Variants in TRIM34 observed in about 807,000 individuals in gnomAD.
TRIM34 encodes the protein tripartite motif containing 34.
TRIM34 carries 41 observed loss-of-function variants against 38.1 expected under a neutral mutation model. That is an observed-to-expected ratio of 1.08 (90% confidence interval 0.84 to 1.40). TRIM34 has a LOEUF of 1.40. TRIM34 is among the 40% of genes most tolerant of loss of function. The probability of loss-of-function intolerance (pLI) is 0.00; values close to 1 mark genes in which losing one functional copy is unlikely to be tolerated. For missense variants in TRIM34, 556 were observed against 571.4 expected (o/e 0.97, Z 0.27); for synonymous variants, 200 against 202.5 (o/e 0.99, Z 0.10).
chr11:5,642,958 T>A, intron 7 of TRIM34, 115 bp downstream of exon 7: 1 of 1,465,232 alleles, frequency 6.8e-7, no homozygotes, highest in Non-Finnish European at 9.2e-7. Context: ...CCCAAAACAT[T>A]TGCTAAATAC....
At chr11:5,637,581 A>T (rs781253861) in intron 4 of TRIM34, among the ~76,000 whole-genome samples, 9 of 152,018 alleles carry the variant, frequency 5.9e-5, no homozygotes, top group Admixed American at 2.6e-4. Context: ...ATTATTTAAA[A>T]TTTTTTTTCC....
chr11:5,620,686 C>A (rs1198576167), upstream of TRIM34, among the ~76,000 whole-genome samples: 1 of 152,114 alleles, frequency 6.6e-6, no homozygotes, highest in African/African-American at 2.4e-5. Context: ...TTATGCCTTA[C>A]GGTGGGAGGG....
At chr11:5,636,359 T>C (rs539145068) in intron 4 of TRIM34, among the ~76,000 whole-genome samples, 15 of 152,190 alleles carry the variant, frequency 9.9e-5, no homozygotes, top group Non-Finnish European at 1.9e-4. Flanking sequence ...TTGCCAGAGC[T>C]CTGGGGAAGA....
intron 1 of TRIM34, chr11:5,626,768 G>C (rs1334475046): frequency 2.0e-5 from 3 of 152,156 alleles, no homozygotes; most frequent in Non-Finnish European, 4.4e-5. Context: ...TGTAGTCCCA[G>C]CTACTCGGGA....
chr11:5,622,459 G>GA (rs1849025580), upstream of TRIM34, among the ~76,000 whole-genome samples: 1 of 133,826 alleles, frequency 7.5e-6, no homozygotes, highest in African/African-American at 2.8e-5. Flanking sequence ...AAAAAAAAAA[G>GA]AAAAAAAGAA....
chr11:5,639,810 C>T (rs1462702004), intron 4 of TRIM34, among the ~76,000 whole-genome samples: 1 of 149,500 alleles, frequency 6.7e-6, no homozygotes, highest in African/African-American at 2.5e-5. Flanking sequence ...TATTTTCTTT[C>T]CAATATAGAA....
chr11:5,621,784 C>T (rs1590143916), upstream of TRIM34, among the ~76,000 whole-genome samples: 1 of 152,228 alleles, frequency 6.6e-6, no homozygotes, highest in Middle Eastern at 3.4e-3. Flanking sequence ...ATCAGAAACT[C>T]AAAAGAATGC....
At chr11:5,622,702 C>T (rs1564879431), upstream of TRIM34, among the ~76,000 whole-genome samples, 1 of 152,170 alleles carries the variant, frequency 6.6e-6, no homozygotes, top group African/African-American at 2.4e-5. Context: ...GTCATCCACA[C>T]AGAACTGATG....
In TRIM34 at chr11:5,634,755, A is replaced by G; in HGVS notation, c.644A>G (p.Lys215Arg). The G allele has an allele frequency of 6.2e-6, 10 of 1,614,144 alleles. No individual in the cohort carries two copies. Among genetic ancestry groups the G allele is most frequent in the Non-Finnish European group, 8.5e-6 (10 of 1,180,006 alleles). The change falls in exon 4 of 8, where the codon AAG becomes AGG. Residue 215 changes from lysine to arginine, a missense_variant. Lys to Arg is a conservative substitution (Grantham distance 26, BLOSUM62 2). Coordinates refer to ENST00000429814, the MANE Select transcript of TRIM34 (RefSeq NM_021616.6). ...LEEEEKKTLD[K>R]FAEAEDELVQ... ...GAAGAAGAAAAGAAGACGCTGGATA[A>G]GTTTGCAGAGGCTGAGGATGAGCTA...
In TRIM34 at chr11:5,643,728, C is replaced by G. The variant is rs749732971; in HGVS notation, c.*19C>G. 4 of 1,557,694 alleles carry G rather than the reference C, an allele frequency of 2.6e-6. No individual in the cohort carries two copies. In the Admixed American group the frequency reaches 6.1e-5, roughly 24 times the overall value. On this transcript the variant is annotated 3_prime_UTR_variant, in exon 8 of 8. Transcript: ENST00000429814. ...CTCTTGAATTTTCTCATTTCTTCAC[C>G]TACAACCCTTTGTCTTGACTTATCT...
chr11:5,632,182 T>G lies in TRIM34; in HGVS notation c.-77-73T>G. 3 of 1,513,688 alleles carry G rather than the reference T, an allele frequency of 2.0e-6. No homozygotes were observed. The Middle Eastern group carries it at 5.6e-4, about 283-fold the overall frequency. The allele number at this position is 1,513,688 out of a possible 1,614,324, so 93.8% of individuals were successfully genotyped here. ...TCTTTGATATTGCAGTCTCGGCCAG[T>G]CTTTATTGTCTGTGCAATTAGAATG... On this transcript the variant is annotated intron_variant, in intron 1 of 7. Transcript: ENST00000429814.
In TRIM34 at chr11:5,643,220, GC is replaced by G; in HGVS notation, c.980del (p.Pro327GlnfsTer48). On this transcript the variant is annotated frameshift_variant, in exon 8 of 8. Coordinates refer to ENST00000429814, the MANE Select transcript of TRIM34 (RefSeq NM_021616.6). LOFTEE classifies it low-confidence loss of function (END_TRUNC). ...SEDQRQVISVPIWPFQCYNYG... is the reference protein window; with the variant it reads ...SEDQRQVISVXIWPFQCYNYG... ...AAGATCAGAGACAAGTGATATCTGT[GC>G]CAATTTGGCCTTTTCAGTGTTATAA... 2 of 1,612,578 alleles carry G rather than the reference GC, an allele frequency of 1.2e-6. No homozygotes were observed. The highest frequency in any genetic ancestry group is 1.7e-6 in the Non-Finnish European group (2 of 1,179,542).
chr11:5,641,507 G>A (rs1433931410), intron 5 of TRIM34, among the ~76,000 whole-genome samples: 1 of 152,058 alleles, frequency 6.6e-6, no homozygotes. Flanking sequence ...TCCAGCCCTG[G>A]ATCTTTTATT....
At chr11:5,636,660 T>C (rs1564887604) in intron 4 of TRIM34, among the ~76,000 whole-genome samples, 1 of 152,220 alleles carries the variant, frequency 6.6e-6, no homozygotes, top group Non-Finnish European at 1.5e-5. Flanking sequence ...GCATTTGTCC[T>C]ATTTCAGTCA....
chr11:5,641,272 A>C (rs772719219), intron 5 of TRIM34, 83 bp downstream of exon 5: 1 of 1,602,416 alleles, frequency 6.2e-7, no homozygotes, highest in African/African-American at 1.3e-5. Context: ...GGTCAATTGG[A>C]ATAAAAAATC....
At chr11:5,642,057 A>G (rs1342322205) in intron 5 of TRIM34, among the ~76,000 whole-genome samples, 3 of 152,194 alleles carry the variant, frequency 2.0e-5, no homozygotes, top group South Asian at 2.1e-4. Flanking sequence ...AGTTTTCCAC[A>G]TATCACATAC....
intron 7 of TRIM34, 106 bp downstream of exon 7, chr11:5,642,949 C>T: frequency 1.3e-6 from 2 of 1,495,398 alleles, no homozygotes; most frequent in Non-Finnish European, 1.8e-6. Context: ...TCAGCACCTC[C>T]CAAAACATTT....
intron 1 of TRIM34, among the ~76,000 whole-genome samples, chr11:5,627,224 A>G (rs1849285700): frequency 6.6e-6 from 1 of 151,510 alleles, no homozygotes; most frequent in Admixed American, 6.6e-5. Flanking sequence ...TACTAAAAAT[A>G]CAAAAATTAG....
intron 3 of TRIM34, 136 bp downstream of exon 3, chr11:5,634,035 C>A: frequency 2.2e-6 from 2 of 923,540 alleles, no homozygotes; most frequent in Non-Finnish European, 3.2e-6. Context: ...CTGTCCTGTC[C>A]CTGTTGGGGG....
Sources: allele counts gnomAD v4.1 joint callset (sites outside exome capture counted in the v4.1 genomes callset), GRCh38; gene constraint gnomAD v4.1.1; transcripts MANE v1.5; gene names NCBI Gene and HGNC (gene_info 2026-07-23, HGNC 2026-07-21).